ZCCHC17: variants seen among roughly 807,000 people sequenced by gnomAD.
ZCCHC17 encodes the protein zinc finger CCHC domain-containing protein 17.
ZCCHC17 carries 18 observed loss-of-function variants against 30.6 expected under a neutral mutation model. The observed-to-expected ratio is 0.59, with a 90% CI of 0.41 to 0.87. The LOEUF is 0.87. ZCCHC17 is among the 40% of genes least tolerant of loss of function. The probability of loss-of-function intolerance (pLI) is 0.00; values close to 1 mark genes in which losing one functional copy is unlikely to be tolerated. For synonymous variants in ZCCHC17, 88 were observed against 92.4 expected (o/e 0.95, Z 0.27); for missense variants, 263 against 284.2 (o/e 0.93, Z 0.54).
At chr1:31,334,361 G>C (rs1288716665) in intron 3 of ZCCHC17, among the ~76,000 whole-genome samples, 150 of 148,374 alleles carry the variant, frequency 1.0e-3, no homozygotes, top group Middle Eastern at 3.4e-3. Context: ...GTGTGTGTGT[G>C]TGTGTGTGTG....
chr1:31,331,579 A>G (rs1638590232), intron 3 of ZCCHC17, among the ~76,000 whole-genome samples: 2 of 152,130 alleles, frequency 1.3e-5, no homozygotes, highest in Non-Finnish European at 2.9e-5. Flanking sequence ...TATTTATGGC[A>G]GAAATGAATC....
intron 1 of ZCCHC17, among the ~76,000 whole-genome samples, chr1:31,299,227 TG>T (rs1646245767): frequency 6.6e-6 from 1 of 152,136 alleles, no homozygotes; most frequent in African/African-American, 2.4e-5. Context: ...AGGATCCAGT[TG>T]AGGATCCAGT....
intron 7 of ZCCHC17, among the ~76,000 whole-genome samples, chr1:31,354,989 A>G (rs1194174254): frequency 1.3e-5 from 2 of 152,144 alleles, no homozygotes; most frequent in South Asian, 2.1e-4. Context: ...AGCCTGGCCA[A>G]CGTGGCAAAA....
chr1:31,317,009 T>C (rs2148424415), intron 2 of ZCCHC17, among the ~76,000 whole-genome samples: 1 of 149,746 alleles, frequency 6.7e-6, no homozygotes. Context: ...CGAGGTTCTA[T>C]CCCTAACTTT....
chr1:31,326,880 A>C (rs1638372352), intron 3 of ZCCHC17, among the ~76,000 whole-genome samples: 1 of 152,196 alleles, frequency 6.6e-6, no homozygotes, highest in South Asian at 2.1e-4. Context: ...ATAAAGAGGG[A>C]AGATTATTAA....
At chr1:31,322,635 A>G (rs1304851837) in intron 3 of ZCCHC17, among the ~76,000 whole-genome samples, 1 of 152,022 alleles carries the variant, frequency 6.6e-6, no homozygotes, top group Non-Finnish European at 1.5e-5. Context: ...TTATATAGAC[A>G]TGGTTGATTA....
chr1:31,309,116 AAAGT>A (rs1646537082), intron 1 of ZCCHC17, among the ~76,000 whole-genome samples: 1 of 152,172 alleles, frequency 6.6e-6, no homozygotes, highest in Non-Finnish European at 1.5e-5. Flanking sequence ...CAAGAAAAAA[AAAGT>A]AAGCCCTTTT....
At chr1:31,318,309 C>A in intron 2 of ZCCHC17, 1 of 1,276,130 alleles carries the variant, frequency 7.8e-7, no homozygotes, top group African/African-American at 1.5e-5. Context: ...GACAACATTA[C>A]CCTCGATCCA....
At chr1:31,306,644 T>C (rs560146619) in intron 1 of ZCCHC17, among the ~76,000 whole-genome samples, 2 of 152,206 alleles carry the variant, frequency 1.3e-5, no homozygotes, top group South Asian at 4.1e-4. Flanking sequence ...TGTACTGTTA[T>C]ATTTCAGGCT....
intron 3 of ZCCHC17, among the ~76,000 whole-genome samples, chr1:31,334,114 T>G: frequency 6.6e-6 from 1 of 151,484 alleles, no homozygotes; most frequent in Non-Finnish European, 1.5e-5. Flanking sequence ...ATTAAAAACA[T>G]AATGTATATA....
At chr1:31,299,198 T>A (rs546944826) in intron 1 of ZCCHC17, among the ~76,000 whole-genome samples, 56 of 152,156 alleles carry the variant, frequency 3.7e-4, no homozygotes, top group African/African-American at 1.4e-3. Context: ...TGCTAACCGA[T>A]GGGGATAAGG....
intron 3 of ZCCHC17, among the ~76,000 whole-genome samples, chr1:31,327,296 G>T (rs1638393488): frequency 6.6e-6 from 1 of 152,182 alleles, no homozygotes; most frequent in Non-Finnish European, 1.5e-5. Context: ...TCAGATGCCA[G>T]CTGCAAGTCC....
At chr1:31,356,588 C>A (rs1017494055) in intron 7 of ZCCHC17, among the ~76,000 whole-genome samples, 6 of 152,198 alleles carry the variant, frequency 3.9e-5, no homozygotes, top group African/African-American at 1.4e-4. Flanking sequence ...GGTGTCTTCA[C>A]TCAGTGAAAC....
intron 3 of ZCCHC17, among the ~76,000 whole-genome samples, chr1:31,321,227 A>C (rs1646852929): frequency 6.6e-6 from 1 of 152,042 alleles, no homozygotes; most frequent in Non-Finnish European, 1.5e-5. Context: ...TCCTGTTCTC[A>C]TCATAGTAAC....
intron 1 of ZCCHC17, among the ~76,000 whole-genome samples, chr1:31,302,384 A>T (rs1557686746): frequency 8.9e-6 from 1 of 112,786 alleles, no homozygotes; most frequent in East Asian, 1.9e-4. Context: ...TCACTCATTT[A>T]AAAAAAACTG....
At chr1:31,304,087 C>T (rs150605394) in intron 1 of ZCCHC17, among the ~76,000 whole-genome samples, 2,049 of 152,164 alleles carry the variant, frequency 0.013, 48 homozygotes, top group African/African-American at 0.046. Flanking sequence ...GTAATTGGTC[C>T]CCTGTTGCTT....
At chr1:31,313,330 T>A (rs1325583387) in intron 2 of ZCCHC17, among the ~76,000 whole-genome samples, 1 of 152,150 alleles carries the variant, frequency 6.6e-6, no homozygotes, top group Non-Finnish European at 1.5e-5. Context: ...CACCTCAGCC[T>A]CCCAAAGTGC....
intron 2 of ZCCHC17, among the ~76,000 whole-genome samples, chr1:31,311,211 C>CATT (rs1557428028): frequency 6.6e-6 from 1 of 152,174 alleles, no homozygotes; most frequent in Admixed American, 6.5e-5. Context: ...AGGCATGAGC[C>CATT]ATTGTGCTTG....
chr1:31,356,495 A>G (rs542117579), intron 7 of ZCCHC17, among the ~76,000 whole-genome samples: 1 of 152,360 alleles, frequency 6.6e-6, no homozygotes, highest in African/African-American at 2.4e-5. Flanking sequence ...TTTACAAATA[A>G]TGCCTGGTAC....
Sources: gnomAD v4.1 joint callset for allele counts (sites outside exome capture counted in the v4.1 genomes callset) on GRCh38, gnomAD v4.1.1 for gene constraint, MANE v1.5 for transcripts, NCBI Gene and HGNC (gene_info 2026-07-23, HGNC 2026-07-21) for gene names.